UNC5D: variants seen among roughly 807,000 people sequenced by gnomAD.
UNC5D encodes the protein netrin receptor UNC5D.
UNC5D carries 39 observed loss-of-function variants against 105.4 expected under a neutral mutation model. The observed-to-expected ratio is 0.37, with a 90% confidence interval of 0.29 to 0.48. UNC5D has a LOEUF of 0.48. Ranked by LOEUF, UNC5D falls within the 20% of genes least tolerant of loss-of-function variation. The probability of loss-of-function intolerance (pLI) is 0.98; values close to 1 mark genes in which losing one functional copy is unlikely to be tolerated. For synonymous variants in UNC5D, 452 were observed against 450.4 expected, an observed-to-expected ratio of 1.00 and a Z score of -0.04; for missense variants, 991 against 1,202.4, an observed-to-expected ratio of 0.82 and a Z score of 2.60.
intron 1 of UNC5D, among the ~76,000 whole-genome samples, chr8:35,280,797 A>G (rs762152028): frequency 6.6e-6 from 1 of 152,080 alleles, no homozygotes; most frequent in African/African-American, 2.4e-5. Flanking sequence ...GGACTTCTCT[A>G]TCACTGGTTA....
intron 3 of UNC5D, among the ~76,000 whole-genome samples, chr8:35,585,526 A>ATGTGTG (rs10570182): frequency 2.0e-5 from 3 of 148,844 alleles, no homozygotes; most frequent in Non-Finnish European, 3.0e-5. Context: ...CAACCATAAT[A>ATGTGTG]TGTGTGTGTG....
intron 13 of UNC5D, among the ~76,000 whole-genome samples, chr8:35,756,329 CTT>C (rs1158767498): frequency 1.3e-5 from 2 of 151,970 alleles, no homozygotes; most frequent in African/African-American, 4.8e-5. Context: ...TAGAGCAGAA[CTT>C]TTAAAAAGGT....
chr8:35,370,992 G>A (rs1303344528), intron 1 of UNC5D, among the ~76,000 whole-genome samples: 1 of 152,166 alleles, frequency 6.6e-6, no homozygotes, highest in East Asian at 1.9e-4. Context: ...GTGGGGCTGA[G>A]GTGGGAGGAT....
chr8:35,362,860 G>A (rs982329401), intron 1 of UNC5D, among the ~76,000 whole-genome samples: 12 of 152,072 alleles, frequency 7.9e-5, no homozygotes, highest in African/African-American at 2.4e-4. Flanking sequence ...TACTTATAAG[G>A]ATAGTAATGG....
chr8:35,380,985 G>A (rs1043229649), intron 1 of UNC5D, among the ~76,000 whole-genome samples: 1 of 142,344 alleles, frequency 7.0e-6, no homozygotes, highest in Non-Finnish European at 1.5e-5. Flanking sequence ...GAACGGTATT[G>A]TTTTAACTTC....
intron 1 of UNC5D, among the ~76,000 whole-genome samples, chr8:35,473,056 GTGTAA>G: frequency 6.6e-6 from 1 of 152,306 alleles, no homozygotes; most frequent in East Asian, 1.9e-4. Context: ...CAATTGTAGA[GTGTAA>G]TGTTTCTTTA....
chr8:35,607,917 T>A (rs148514388), intron 4 of UNC5D, among the ~76,000 whole-genome samples: 1 of 152,264 alleles, frequency 6.6e-6, no homozygotes, highest in East Asian at 1.9e-4. Flanking sequence ...CGTCACTCAG[T>A]CTCTTCCTCC....
intron 8 of UNC5D, among the ~76,000 whole-genome samples, chr8:35,719,367 G>A (rs1192856049): frequency 6.6e-6 from 1 of 152,060 alleles, no homozygotes; most frequent in Non-Finnish European, 1.5e-5. Context: ...TGGAGGTGTG[G>A]GTGTGAAGAG....
At chr8:35,248,008 A>G (rs1346436509) in intron 1 of UNC5D, among the ~76,000 whole-genome samples, 1 of 32,546 alleles carries the variant, frequency 3.1e-5, no homozygotes, top group African/African-American at 1.4e-4. Flanking sequence ...TTATATATAA[A>G]ATATATATAA....
chr8:35,522,448 A>G (rs1813552696), intron 1 of UNC5D, among the ~76,000 whole-genome samples: 1 of 152,202 alleles, frequency 6.6e-6, no homozygotes, highest in African/African-American at 2.4e-5. Context: ...GATGATTACA[A>G]TGAGCTTGTG....
At chr8:35,705,812 T>C (rs1369679080) in intron 7 of UNC5D, 117 bp from the exon 8 acceptor site, 2 of 592,682 alleles carry the variant, frequency 3.4e-6, no homozygotes, top group African/African-American at 2.0e-5. Context: ...CTGTTGTCCA[T>C]AAAAATGGAG....
chr8:35,273,689 T>C (rs1197129974), intron 1 of UNC5D, among the ~76,000 whole-genome samples: 3 of 152,196 alleles, frequency 2.0e-5, no homozygotes, highest in African/African-American at 7.2e-5. Flanking sequence ...AGTGTTTTAG[T>C]CTCATATCAT....
chr8:35,756,896 T>G (rs1449326281), intron 13 of UNC5D, among the ~76,000 whole-genome samples: 5 of 152,146 alleles, frequency 3.3e-5, no homozygotes, highest in African/African-American at 1.2e-4. Context: ...AAAGTTAAAT[T>G]TAAAGAAAAG....
At chr8:35,309,249 T>C (rs1808683768) in intron 1 of UNC5D, among the ~76,000 whole-genome samples, 1 of 152,150 alleles carries the variant, frequency 6.6e-6, no homozygotes, top group Non-Finnish European at 1.5e-5. Context: ...ATAACAGTGC[T>C]ACCAAAAGTC....
rs1802412009 is a variant in UNC5D, at chr8:35,235,753, G to A, written c.-32G>A. On this transcript the variant is annotated 5_prime_UTR_variant, in exon 1 of 17. Coordinates refer to ENST00000404895, the MANE Select transcript of UNC5D (RefSeq NM_080872.4). ...CTTTCCCGGGCTCCCGGAGCGTGAA[G>A]AAGAGCCGCCCTCCGGAACGCGGCG... 4.1e-6 allele frequency: 5 copies of A among 1,227,932 alleles called. No homozygotes were observed. The highest frequency in any genetic ancestry group is 5.1e-6 in the Non-Finnish European group (5 of 984,214). 76.1% of individuals were successfully genotyped at this position (1,227,932 alleles called of 1,614,324 possible).
chr8:35,417,292 G>A (rs979911978), intron 1 of UNC5D, among the ~76,000 whole-genome samples: 3 of 151,386 alleles, frequency 2.0e-5, no homozygotes, highest in Admixed American at 6.6e-5. Context: ...ATCTCCATGA[G>A]TTTTGGGGGT....
intron 1 of UNC5D, among the ~76,000 whole-genome samples, chr8:35,294,954 A>T (rs1807357171): frequency 6.6e-6 from 1 of 152,168 alleles, no homozygotes; most frequent in African/African-American, 2.4e-5. Flanking sequence ...GAACCATGGG[A>T]GGTCACTTTG....
intron 1 of UNC5D, among the ~76,000 whole-genome samples, chr8:35,402,987 A>G (rs1307825361): frequency 6.6e-6 from 1 of 152,088 alleles, no homozygotes; most frequent in Non-Finnish European, 1.5e-5. Context: ...CTTTCTCTCC[A>G]GTATCATGGT....
In UNC5D at chr8:35,587,965, A is replaced by AATATATATATATATATATATATATATAT. The variant is rs57681405; in HGVS notation, c.467-7587_467-7560dup. On this transcript the variant is annotated intron_variant, in intron 3 of 16. Transcript: ENST00000404895. Reference sequence around the variant, plus strand: ...TTAGGGTTTTTCCTATAACTATAATAATATATATATATATATATATATATA... The same window carrying AATATATATATATATATATATATATATAT: ...TTAGGGTTTTTCCTATAACTATAATAATATATATATATATATATATATATATATATATATATATATATATATATATATA... 1.6e-3 allele frequency among the ~76,000 whole-genome samples: 166 copies of AATATATATATATATATATATATATATAT among 104,982 alleles called. 3 individuals carry two copies. The highest frequency in any genetic ancestry group is 2.0e-3 in the South Asian group (5 of 2,528). 68.9% of individuals were successfully genotyped at this position (104,982 alleles called of 152,430 possible).
Sources: gnomAD v4.1 joint callset for allele counts (sites outside exome capture counted in the v4.1 genomes callset) on GRCh38, gnomAD v4.1.1 for gene constraint, MANE v1.5 for transcripts, NCBI Gene and HGNC (gene_info 2026-07-23, HGNC 2026-07-21) for gene names.